P2RY8: variants seen among roughly 807,000 people sequenced by gnomAD.
The protein encoded by P2RY8 is S-geranylgeranyl-glutathione receptor P2RY8.
In P2RY8, 6 loss-of-function variants were observed where a neutral mutation model predicts 10.0. The ratio of observed to expected loss-of-function variants is 0.60; its 90% confidence interval spans 0.33 to 1.19. The LOEUF is 1.19. Among genes scored for constraint, P2RY8 ranks in the 50% most tolerant of loss-of-function variants. The pLI is 0.04. For synonymous variants in P2RY8, 276 were observed against 252.5 expected (o/e 1.09, Z -0.88); for missense variants, 456 against 542.0 (o/e 0.84, Z 1.58).
intron 1 of P2RY8, among the ~76,000 whole-genome samples, chrX:1,504,960 G>T (rs2092217135): frequency 6.6e-6 from 1 of 151,926 alleles, no homozygotes; most frequent in Admixed American, 6.6e-5. Context: ...GTGAAACCCT[G>T]TCTCTACTAA....
At chrX:1,497,933 A>C (rs2092133406) in intron 1 of P2RY8, among the ~76,000 whole-genome samples, 1 of 151,980 alleles carries the variant, frequency 6.6e-6, no homozygotes, top group African/African-American at 2.4e-5. Context: ...AGGAAGCAGG[A>C]CTGAGGAGGT....
chrX:1,477,666 G>A (rs1303903307), intron 1 of P2RY8, among the ~76,000 whole-genome samples: 1 of 152,130 alleles, frequency 6.6e-6, no homozygotes, highest in Non-Finnish European at 1.5e-5. Flanking sequence ...GTAGATCCCA[G>A]GGACACTGCT....
At chrX:1,521,599 T>C (rs1391284751) in intron 1 of P2RY8, among the ~76,000 whole-genome samples, 2 of 152,206 alleles carry the variant, frequency 1.3e-5, no homozygotes, top group African/African-American at 2.4e-5. Flanking sequence ...TGCATTTGTC[T>C]GCAGGAAGTC....
Position 1,465,776 on chromosome X carries a change from G to T in P2RY8, c.783C>A (p.Ile261=). The change falls in exon 2 of 2, where the codon ATC becomes ATA. Residue 261 remains isoleucine (I), a synonymous_variant. Coordinates refer to ENST00000381297, the MANE Select transcript of P2RY8 (RefSeq NM_178129.5). The part of the protein sequence containing the change: ...APNNFVLLAH[I]VSRLFYGKSY... ...TCTTGCCGTAGAACAGGCGGCTCACGATGTGCGCCAGGAGCACGAAGTTGT... is the reference window on the plus strand; with the variant it reads ...TCTTGCCGTAGAACAGGCGGCTCACTATGTGCGCCAGGAGCACGAAGTTGT... The T allele has an allele frequency of 1.9e-6, 3 of 1,613,530 alleles. No individual in the cohort carries two copies. Among genetic ancestry groups the T allele is most frequent in the Non-Finnish European group, 2.5e-6 (3 of 1,179,838 alleles).
At chrX:1,496,446 C>A (rs1414911514) in intron 1 of P2RY8, among the ~76,000 whole-genome samples, 2 of 152,148 alleles carry the variant, frequency 1.3e-5, no homozygotes, top group African/African-American at 4.8e-5. Flanking sequence ...TCCCTGGGAT[C>A]CTGCCCTCTG....
At chrX:1,508,704 T>TTCTA (rs61715773) in intron 1 of P2RY8, among the ~76,000 whole-genome samples, 2,324 of 112,052 alleles carry the variant, frequency 0.021, 66 homozygotes, top group Non-Finnish European at 0.023. Context: ...CATCCATCCA[T>TTCTA]TCTATCTATC....
intron 1 of P2RY8, among the ~76,000 whole-genome samples, chrX:1,496,615 G>A (rs183484168): frequency 2.7e-3 from 415 of 152,040 alleles, no homozygotes; most frequent in African/African-American, 9.5e-3. Context: ...TCAGTCAGCC[G>A]CGGCTTCAGA....
intron 1 of P2RY8, among the ~76,000 whole-genome samples, chrX:1,507,504 G>A (rs763215199): frequency 2.6e-5 from 4 of 152,212 alleles, no homozygotes; most frequent in East Asian, 3.9e-4. Flanking sequence ...TCATATCCCC[G>A]GTGACCGCCG....
intron 1 of P2RY8, among the ~76,000 whole-genome samples, chrX:1,503,257 C>T (rs1378041726): frequency 6.6e-6 from 1 of 152,188 alleles, no homozygotes; most frequent in South Asian, 2.1e-4. Context: ...GGACCTGAGA[C>T]ATTTTGATCT....
chrX:1,468,223 C>T (rs2091719389), intron 1 of P2RY8, among the ~76,000 whole-genome samples: 1 of 152,222 alleles, frequency 6.6e-6, no homozygotes, highest in Non-Finnish European at 1.5e-5. Flanking sequence ...CAGGTGTGAG[C>T]AACACACCTG....
intron 1 of P2RY8, among the ~76,000 whole-genome samples, chrX:1,512,741 C>G (rs2092308368): frequency 6.6e-6 from 1 of 152,054 alleles, no homozygotes; most frequent in Non-Finnish European, 1.5e-5. Context: ...ACCATCAGAT[C>G]TCCTGAGACT....
intron 1 of P2RY8, among the ~76,000 whole-genome samples, chrX:1,509,580 C>A (rs766436582): frequency 4.1e-5 from 6 of 145,328 alleles, no homozygotes; most frequent in African/African-American, 1.7e-4. Flanking sequence ...TGTATCCATC[C>A]ATTCATTGTA....
At chrX:1,522,198 AC>A (rs1482096350) in intron 1 of P2RY8, among the ~76,000 whole-genome samples, 7 of 146,608 alleles carry the variant, frequency 4.8e-5, no homozygotes, top group African/African-American at 1.8e-4. Flanking sequence ...CAGGTGATCC[AC>A]CCGCCTCAAC....
chrX:1,468,150 C>T (rs1259013990), intron 1 of P2RY8, among the ~76,000 whole-genome samples: 1 of 151,980 alleles, frequency 6.6e-6, no homozygotes, highest in African/African-American at 2.4e-5. Flanking sequence ...GTTGCCCAGG[C>T]TGGTCTCAAA....
In P2RY8 at chrX:1,466,456, C is replaced by T. The variant is rs765351286; in HGVS notation, c.103G>A (p.Ala35Thr). The change falls in exon 2 of 2, where the codon GCG becomes ACG. Residue 35 changes from alanine to threonine, a missense_variant. Ala to Thr is a moderately conservative substitution (Grantham distance 58). Coordinates refer to ENST00000381297, the MANE Select transcript of P2RY8 (RefSeq NM_178129.5). ...AAGAGGTTGCCCGGGATGCTGACCG[C>T]CGCCACCAGCGAGTACACCACGGGC... ...ALPVVYSLVA[A>T]VSIPGNLFSL... The T allele has an allele frequency of 1.2e-6, 2 of 1,612,336 alleles. No homozygotes were observed. The highest frequency in any genetic ancestry group is 8.5e-7 in the Non-Finnish European group (1 of 1,179,826).
At chrX:1,531,054 C>CTATA (rs1180970963) in intron 1 of P2RY8, among the ~76,000 whole-genome samples, 3 of 125,094 alleles carry the variant, frequency 2.4e-5, no homozygotes, top group African/African-American at 6.2e-5. Context: ...TTCTATCTAT[C>CTATA]TGTCTGTCTG....
intron 1 of P2RY8, among the ~76,000 whole-genome samples, chrX:1,474,565 TGG>T (rs2091852114): frequency 4.5e-5 from 2 of 44,346 alleles, no homozygotes; most frequent in Admixed American, 4.7e-4. Context: ...TGTGGATGGA[TGG>T]ATGGATGGAT....
At chrX:1,492,538 G>C (rs2092063793) in intron 1 of P2RY8, among the ~76,000 whole-genome samples, 1 of 152,128 alleles carries the variant, frequency 6.6e-6, no homozygotes, top group Non-Finnish European at 1.5e-5. Flanking sequence ...CTGAAACGTG[G>C]GAAGAGAGAA....
chrX:1,523,543 G>C (rs1262996154), intron 1 of P2RY8, among the ~76,000 whole-genome samples: 1 of 152,176 alleles, frequency 6.6e-6, no homozygotes, highest in East Asian at 1.9e-4. Context: ...GAAGGGAGAA[G>C]TGGGAGCGAT....
Sources: gnomAD v4.1 joint callset for allele counts (sites outside exome capture counted in the v4.1 genomes callset) on GRCh38, gnomAD v4.1.1 for gene constraint, MANE v1.5 for transcripts, NCBI Gene and HGNC (gene_info 2026-07-23, HGNC 2026-07-21) for gene names.